The following DNAH3 variants were observed in gnomAD, a reference collection of about 807,000 sequenced individuals.
The protein encoded by DNAH3 is axonemal beta dynein heavy chain 3.
Under a neutral mutation model 432.5 loss-of-function variants are expected in DNAH3, and 332 were observed. The observed-to-expected ratio is 0.77, with a 90% CI of 0.70 to 0.84. The LOEUF (loss-of-function observed/expected upper bound fraction) is 0.84, where lower values mean the gene tolerates loss of function less well. Among genes scored for constraint, DNAH3 ranks in the 40% least tolerant of loss-of-function variants. The pLI is 0.00. For synonymous variants in DNAH3, 1,956 were observed against 1,900.2 expected (o/e 1.03, Z -0.76); for missense variants, 4,861 against 5,114.0 (o/e 0.95, Z 1.51).
chr16:21,143,128 G>C (rs998542690), intron 3 of DNAH3, among the ~76,000 whole-genome samples: 1 of 152,012 alleles, frequency 6.6e-6, no homozygotes, highest in African/African-American at 2.4e-5. Flanking sequence ...AGAATTTTGG[G>C]GACAATGAAA....
intron 7 of DNAH3, among the ~76,000 whole-genome samples, chr16:21,132,251 G>T (rs2092575619): frequency 6.6e-6 from 1 of 152,200 alleles, no homozygotes; most frequent in Non-Finnish European, 1.5e-5. Flanking sequence ...CCTTAAGACT[G>T]AACACGTTCA....
intron 44 of DNAH3, among the ~76,000 whole-genome samples, chr16:20,994,406 G>A (rs746517077): frequency 6.6e-6 from 1 of 152,086 alleles, no homozygotes; most frequent in South Asian, 2.1e-4. Flanking sequence ...ACTCCAGCCT[G>A]GGCGACAAGA....
intron 40 of DNAH3, 118 bp downstream of exon 40, chr16:21,021,853 A>C: frequency 4.8e-6 from 6 of 1,262,206 alleles, no homozygotes; most frequent in Non-Finnish European, 6.4e-6. Context: ...CAGTGAGCCA[A>C]GATCATGCCA....
intron 41 of DNAH3, among the ~76,000 whole-genome samples, chr16:21,010,503 T>C (rs562193682): frequency 1.3e-5 from 2 of 152,356 alleles, no homozygotes; most frequent in East Asian, 3.9e-4. Context: ...AAGGTCCATG[T>C]CAAACAATGT....
At chr16:21,134,493 T>G (rs2092615121) in intron 6 of DNAH3, 39 bp from the exon 8 acceptor site, 51 of 1,572,948 alleles carry the variant, frequency 3.2e-5, no homozygotes, top group Non-Finnish European at 3.8e-5. Context: ...TATTAAGCTC[T>G]AAGGGTTGTG....
At chr16:20,933,890 G>C (rs2083497253) in intron 61 of DNAH3, among the ~76,000 whole-genome samples, 1 of 152,186 alleles carries the variant, frequency 6.6e-6, no homozygotes, top group Non-Finnish European at 1.5e-5. Context: ...ATGAGTGTGG[G>C]GAGAATAAAG....
chr16:21,111,699 A>T (rs776881794), exon 14 of DNAH3: 1 of 1,613,984 alleles, frequency 6.2e-7, no homozygotes, highest in Non-Finnish European at 8.5e-7. Flanking sequence ...GCTCGCTCAC[A>T]GAGATCATGA....
intron 39 of DNAH3, among the ~76,000 whole-genome samples, chr16:21,023,630 A>T (rs2088368507): frequency 6.6e-6 from 1 of 152,138 alleles, no homozygotes; most frequent in Non-Finnish European, 1.5e-5. Flanking sequence ...GAGACTGCTA[A>T]GCTGAGGCTG....
intron 7 of DNAH3, 59 bp from the exon 9 acceptor site, chr16:21,127,871 A>G (rs748955909): frequency 1.7e-5 from 27 of 1,599,248 alleles, no homozygotes; most frequent in Non-Finnish European, 2.3e-5. Flanking sequence ...CAAATCCCGC[A>G]GGACAGGTTC....
intron 28 of DNAH3, 69 bp downstream of exon 28, chr16:21,054,351 C>T (rs1435792984): frequency 1.0e-5 from 12 of 1,203,920 alleles, no homozygotes; most frequent in East Asian, 7.1e-5. Context: ...TCCAGGAGAA[C>T]TGAGATGAGC....
intron 20 of DNAH3, among the ~76,000 whole-genome samples, chr16:21,080,044 C>G (rs561323828): frequency 6.6e-6 from 1 of 152,192 alleles, no homozygotes; most frequent in Non-Finnish European, 1.5e-5. Flanking sequence ...CGCCTGTAAT[C>G]CCAGCACTTT....
Position 21,114,943 on chromosome 16 carries a change from G to A in DNAH3, c.1814+2260C>T, listed in dbSNP as rs190138691. On this transcript the variant is annotated intron_variant, in intron 12 of 61. Transcript: ENST00000261383. ...TGCCGCTATAAAGACACATGCACAC[G>A]TATGTTTATTGTGGCACTATTCACA... 1.3e-3 allele frequency among the ~76,000 whole-genome samples: 193 copies of A among 152,270 alleles called. No individual in the cohort carries two copies. In the Middle Eastern group the frequency reaches 0.031, roughly 24 times the overall value.
intron 1 of DNAH3, chr16:21,159,182 T>C (rs1260421191): frequency 5.9e-6 from 5 of 846,824 alleles, no homozygotes; most frequent in African/African-American, 1.7e-5. Flanking sequence ...TCCACCGAGG[T>C]CCCCTTCCCC....
chr16:21,026,636 G>A (rs1381957505), intron 38 of DNAH3, among the ~76,000 whole-genome samples: 1 of 148,586 alleles, frequency 6.7e-6, no homozygotes, highest in Non-Finnish European at 1.5e-5. Context: ...GGGAGGCAGA[G>A]GTTGCAGTGA....
rs984867915 is a variant in DNAH3 at position 21,101,180 on chromosome 16, T to A, written c.2367-2411A>T. Among the ~76,000 whole-genome samples, 9 of 152,314 alleles carry A rather than the reference T, an allele frequency of 5.9e-5. 1 individual carries two copies. Among genetic ancestry groups the A allele is most frequent in the Admixed American group, 3.3e-4 (5 of 15,282 alleles). ...GAACACTCACATTAGTCCACAGTTA[T>A]CATCTAAGACAAAGCCTGTTTTATA... On this transcript the variant is annotated intron_variant, in intron 16 of 61. Transcript: ENST00000261383.
intron 15 of DNAH3, among the ~76,000 whole-genome samples, chr16:21,105,601 A>G (rs2091927727): frequency 6.6e-6 from 1 of 152,122 alleles, no homozygotes; most frequent in South Asian, 2.1e-4. Context: ...CTCTGTCTCT[A>G]CTAAAAATAC....
At chr16:21,004,377 C>CT (rs956531520) in intron 41 of DNAH3, among the ~76,000 whole-genome samples, 2 of 150,992 alleles carry the variant, frequency 1.3e-5, no homozygotes, top group Non-Finnish European at 3.0e-5. Context: ...TTTCTTTTTT[C>CT]TTTTTTTTAG....
chr16:21,003,349 C>T (rs1050384422), intron 41 of DNAH3, 142 bp from the exon 42 acceptor site: 6 of 598,292 alleles, frequency 1.0e-5, no homozygotes, highest in Admixed American at 3.4e-5. Context: ...GAAACTTATA[C>T]ATTGCTGGAA....
chr16:21,124,989 C>T (rs2092418298), intron 9 of DNAH3, among the ~76,000 whole-genome samples, 186 bp downstream of exon 10: 1 of 152,078 alleles, frequency 6.6e-6, no homozygotes, highest in Non-Finnish European at 1.5e-5. Flanking sequence ...TGGGAACATT[C>T]AATATCCTTC....
Sources: gnomAD v4.1 joint callset for allele counts (sites outside exome capture counted in the v4.1 genomes callset) on GRCh38, gnomAD v4.1.1 for gene constraint, MANE v1.5 for transcripts, NCBI Gene and HGNC (gene_info 2026-07-23, HGNC 2026-07-21) for gene names.